GNG12: variants seen among roughly 807,000 people sequenced by gnomAD.
The protein encoded by GNG12 is G protein subunit gamma 12, also known as guanine nucleotide-binding protein G(I)/G(S)/G(O) subunit gamma-12.
For missense variants in GNG12, 69 were observed against 83.8 expected, an observed-to-expected ratio of 0.82 and a Z score of 0.69; for synonymous variants, 28 against 29.7, an observed-to-expected ratio of 0.94 and a Z score of 0.19.
chr1:67,755,817 C>T (rs115666403), intron 2 of GNG12, among the ~76,000 whole-genome samples: 42 of 152,150 alleles, frequency 2.8e-4, no homozygotes, highest in Non-Finnish European at 4.3e-4. Context: ...AAGGTCATAA[C>T]GAACAGTAAT....
At chr1:67,802,837 C>T (rs11209153) in intron 1 of GNG12, among the ~76,000 whole-genome samples, 49,582 of 152,020 alleles carry the variant, frequency 0.33, 8,340 homozygotes, top group Middle Eastern at 0.5. Context: ...GTCTCTCTCT[C>T]TCCCTACACA....
At position 67,728,780 on chromosome 1, in the gene GNG12, T is replaced by C. The variant is rs72922759; in HGVS notation, c.-26-21068A>G. On this transcript the variant is annotated intron_variant, in intron 2 of 3. Coordinates refer to ENST00000370982, the MANE Select transcript of GNG12 (RefSeq NM_018841.6). The stretch of plus-strand genomic sequence containing the variant: ...GCAGAAACACATTCAGGAGAGAAAA[T>C]AGTGTTAATGAATGTTTCAAGAAAA... Among the ~76,000 whole-genome samples, 301 of 151,990 alleles carry C rather than the reference T, an allele frequency of 2.0e-3. 3 individuals are homozygous for C. Among genetic ancestry groups the C allele is most frequent in the South Asian group, 9.2e-3 (44 of 4,804 alleles).
intron 2 of GNG12, among the ~76,000 whole-genome samples, chr1:67,743,210 G>A (rs1045858630): frequency 2.0e-5 from 3 of 152,204 alleles, no homozygotes; most frequent in African/African-American, 7.2e-5. Flanking sequence ...GGGCAGCTGG[G>A]TGAGAATGAA....
chr1:67,712,492 A>G (rs1274997593), intron 2 of GNG12, among the ~76,000 whole-genome samples: 2 of 152,166 alleles, frequency 1.3e-5, no homozygotes, highest in African/African-American at 4.8e-5. Flanking sequence ...AGAGTTTGAG[A>G]CCAGCCTGGG....
chr1:67,734,857 T>C (rs1190266736), intron 2 of GNG12, among the ~76,000 whole-genome samples: 30 of 152,176 alleles, frequency 2.0e-4, no homozygotes, highest in Admixed American at 2.0e-3. Flanking sequence ...ATTTATTCTT[T>C]TTATTTTCTT....
intron 3 of GNG12, among the ~76,000 whole-genome samples, chr1:67,706,887 C>T (rs1243426568): frequency 2.0e-5 from 3 of 151,994 alleles, no homozygotes; most frequent in Non-Finnish European, 4.4e-5. Context: ...CTCGAATTCC[C>T]AACCTCAGGT....
At chr1:67,794,681 G>C (rs1220904583) in intron 1 of GNG12, among the ~76,000 whole-genome samples, 1 of 152,170 alleles carries the variant, frequency 6.6e-6, no homozygotes, top group African/African-American at 2.4e-5. Context: ...TATATAAGAT[G>C]ACAAAAGAAA....
At chr1:67,766,565 T>C (rs182444541) in intron 2 of GNG12, among the ~76,000 whole-genome samples, 2 of 152,056 alleles carry the variant, frequency 1.3e-5, no homozygotes, top group East Asian at 3.9e-4. Flanking sequence ...ACAGCTATGG[T>C]TTTGCCAAAG....
chr1:67,750,040 G>T (rs906270108), intron 2 of GNG12, among the ~76,000 whole-genome samples: 1 of 152,156 alleles, frequency 6.6e-6, no homozygotes, highest in African/African-American at 2.4e-5. Flanking sequence ...GAAACTCTGG[G>T]TACAGAAGGT....
chr1:67,798,564 A>G (rs970230715), intron 1 of GNG12, among the ~76,000 whole-genome samples: 3 of 151,948 alleles, frequency 2.0e-5, no homozygotes, highest in African/African-American at 7.3e-5. Flanking sequence ...ACCCCGAGAC[A>G]GCGAGACAAA....
At chr1:67,749,447 G>A (rs919385342) in intron 2 of GNG12, among the ~76,000 whole-genome samples, 1 of 152,246 alleles carries the variant, frequency 6.6e-6, no homozygotes, top group Non-Finnish European at 1.5e-5. Context: ...AATGTTTGCT[G>A]CTACTGATGA....
At chr1:67,780,986 C>A (rs1389240214) in intron 1 of GNG12, among the ~76,000 whole-genome samples, 1 of 152,220 alleles carries the variant, frequency 6.6e-6, no homozygotes, top group Non-Finnish European at 1.5e-5. Context: ...GGATATATTT[C>A]TTTCCATTAC....
intron 2 of GNG12, among the ~76,000 whole-genome samples, chr1:67,716,461 C>A (rs1194395824): frequency 6.6e-6 from 1 of 152,238 alleles, no homozygotes; most frequent in African/African-American, 2.4e-5. Flanking sequence ...AAATTCCATG[C>A]AGCATTGCAT....
intron 1 of GNG12, among the ~76,000 whole-genome samples, chr1:67,808,149 T>C (rs936037594): frequency 2.0e-5 from 3 of 152,120 alleles, no homozygotes; most frequent in South Asian, 2.1e-4. Flanking sequence ...GCTGGTTCAA[T>C]ATTTGAAAAT....
chr1:67,758,129 A>G (rs1646580800), intron 2 of GNG12, among the ~76,000 whole-genome samples: 1 of 151,812 alleles, frequency 6.6e-6, no homozygotes, highest in African/African-American at 2.4e-5. Context: ...CCACGACCAC[A>G]CCCCTGGCTA....
At chr1:67,828,252 G>T (rs1647022260) in intron 1 of GNG12, among the ~76,000 whole-genome samples, 1 of 152,188 alleles carries the variant, frequency 6.6e-6, no homozygotes, top group Admixed American at 6.5e-5. Context: ...CAAGCCTGAT[G>T]GAGAGGCACT....
intron 1 of GNG12, among the ~76,000 whole-genome samples, chr1:67,802,372 T>C (rs1646871559): frequency 6.6e-6 from 1 of 152,134 alleles, no homozygotes; most frequent in South Asian, 2.1e-4. Flanking sequence ...CTTAAAACCA[T>C]TTAATTGGTT....
At chr1:67,825,995 A>G (rs1647008510) in intron 1 of GNG12, among the ~76,000 whole-genome samples, 1 of 152,252 alleles carries the variant, frequency 6.6e-6, no homozygotes, top group Non-Finnish European at 1.5e-5. Flanking sequence ...TTCCTAGCAT[A>G]TATAATCAGT....
At chr1:67,707,375 G>C (rs1646255625) in intron 3 of GNG12, among the ~76,000 whole-genome samples, 1 of 152,186 alleles carries the variant, frequency 6.6e-6, no homozygotes, top group Non-Finnish European at 1.5e-5. Flanking sequence ...ATCCTGTCCA[G>C]AGTTTTACAA....
Sources: allele counts gnomAD v4.1 joint callset (sites outside exome capture counted in the v4.1 genomes callset), GRCh38; gene constraint gnomAD v4.1.1; transcripts MANE v1.5; gene names NCBI Gene and HGNC (gene_info 2026-07-23, HGNC 2026-07-21).